Variants in TMPRSS9 observed in about 807,000 individuals in gnomAD.
TMPRSS9 encodes transmembrane serine protease 9.
TMPRSS9 carries 113 observed loss-of-function variants against 111.4 expected under a neutral mutation model. The observed-to-expected ratio is 1.01, with a 90% confidence interval of 0.87 to 1.19. The LOEUF is 1.19. Ranked by LOEUF, TMPRSS9 falls within the 50% of genes most tolerant of loss-of-function variation. The pLI is 0.00. For synonymous variants in TMPRSS9, 805 were observed against 659.1 expected, an observed-to-expected ratio of 1.22 and a Z score of -3.39; for missense variants, 1,803 against 1,513.1, an observed-to-expected ratio of 1.19 and a Z score of -3.18.
chr19:2,405,632 C>T lies in TMPRSS9; in HGVS notation c.842+87C>T, dbSNP rs181591215. ...GCACTGGGGACGTCACTTCTGGTTTCCTTAGAGCCCCTGGAAGTAATTTTT... is the reference window on the plus strand; with the variant it reads ...GCACTGGGGACGTCACTTCTGGTTTTCTTAGAGCCCCTGGAAGTAATTTTT... On this transcript the variant is annotated intron_variant, in intron 7 of 17. Transcript: ENST00000648592. 122 of 1,340,610 alleles carry T rather than the reference C, an allele frequency of 9.1e-5. 1 individual carries two copies. In the East Asian group the frequency reaches 2.6e-3, roughly 29 times the overall value. The allele number at this position is 1,340,610 out of a possible 1,614,324, so 83.0% of individuals were successfully genotyped here. A position where few individuals can be genotyped will look rare whatever the true frequency, so the allele number is the denominator to read the frequency against.
chr19:2,393,526 C>T (rs1031097904), intron 1 of TMPRSS9, among the ~76,000 whole-genome samples: 3 of 152,166 alleles, frequency 2.0e-5, no homozygotes, highest in Non-Finnish European at 4.4e-5. Flanking sequence ...CAGCTTCATT[C>T]TTGAAGTCAG....
intron 1 of TMPRSS9, among the ~76,000 whole-genome samples, chr19:2,382,619 C>T (rs1038393037): frequency 1.3e-5 from 2 of 151,226 alleles, no homozygotes; most frequent in African/African-American, 2.4e-5. Context: ...CATGCACACA[C>T]AAATGCACAC....
exon 1 of TMPRSS9, chr19:2,389,801 G>A: frequency 6.2e-7 from 1 of 1,613,366 alleles, no homozygotes; most frequent in Non-Finnish European, 8.5e-7. Context: ...GCCCACTGTG[G>A]CTGACGTACA....
chr19:2,401,926 G>A (rs757925161), intron 4 of TMPRSS9, 49 bp from the exon 6 acceptor site: 9 of 1,584,120 alleles, frequency 5.7e-6, no homozygotes, highest in African/African-American at 1.4e-5. Flanking sequence ...GTGTTCAAAG[G>A]GTTTTACCGC....
At chr19:2,408,674 C>T (rs751632107) in intron 8 of TMPRSS9, 44 bp downstream of exon 9, 21 of 1,581,660 alleles carry the variant, frequency 1.3e-5, no homozygotes, top group South Asian at 2.3e-5. Flanking sequence ...GGCAGGCAGG[C>T]GGGCAAATAA....
intron 5 of TMPRSS9, 88 bp from the exon 7 acceptor site, chr19:2,402,994 C>T (rs1970884134): frequency 6.6e-6 from 6 of 903,900 alleles, no homozygotes; most frequent in Admixed American, 4.2e-5. Flanking sequence ...CATTTCCGTA[C>T]CCTGGTGGTA....
chr19:2,409,034 ATG>A (rs200857497), intron 8 of TMPRSS9, among the ~76,000 whole-genome samples: 3,445 of 102,594 alleles, frequency 0.034, 106 homozygotes, highest in African/African-American at 0.1. Flanking sequence ...AATAATAATG[ATG>A]ATGCAGAAAA....
intron 13 of TMPRSS9, among the ~76,000 whole-genome samples, chr19:2,418,350 C>T (rs1971325774): frequency 1.8e-5 from 1 of 57,092 alleles, no homozygotes; most frequent in African/African-American, 1.2e-4. Flanking sequence ...CCTCCCTTTC[C>T]CTCCCTCCCT....
chr19:2,363,677 G>A (rs149957837), intron 1 of TMPRSS9, among the ~76,000 whole-genome samples: 3 of 151,756 alleles, frequency 2.0e-5, no homozygotes, highest in Non-Finnish European at 2.9e-5. Context: ...TGCGCCCCTC[G>A]GTCCCCCAGG....
chr19:2,403,499 C>T (rs748438015), intron 6 of TMPRSS9, among the ~76,000 whole-genome samples: 1 of 152,120 alleles, frequency 6.6e-6, no homozygotes, highest in Non-Finnish European at 1.5e-5. Context: ...AACTGGAGCT[C>T]TGTCCTATAA....
upstream of TMPRSS9, among the ~76,000 whole-genome samples, chr19:2,385,276 T>A (rs1970456596): frequency 6.6e-6 from 1 of 151,650 alleles, no homozygotes; most frequent in Admixed American, 6.6e-5. Context: ...GTGCTCCCGG[T>A]GGAGTCTGCC....
chr19:2,415,876 T>C, intron 11 of TMPRSS9, 35 bp downstream of exon 12: 1 of 1,540,912 alleles, frequency 6.5e-7, no homozygotes, highest in African/African-American at 1.4e-5. Context: ...GCTGCCCGGC[T>C]TCCCCTCCTC....
intron 1 of TMPRSS9, among the ~76,000 whole-genome samples, chr19:2,376,071 A>G (rs1486623913): frequency 1.3e-5 from 2 of 152,124 alleles, no homozygotes; most frequent in Non-Finnish European, 2.9e-5. Flanking sequence ...CTGGAACAAG[A>G]TGGGCCTCCC....
intron 1 of TMPRSS9, among the ~76,000 whole-genome samples, chr19:2,370,521 G>A (rs1229315095): frequency 3.3e-5 from 5 of 152,040 alleles, no homozygotes; most frequent in Admixed American, 1.3e-4. Flanking sequence ...TGGAGATGGG[G>A]GTCTCGCTAT....
chr19:2,381,507 T>C (rs1970384622), intron 1 of TMPRSS9, among the ~76,000 whole-genome samples: 1 of 151,922 alleles, frequency 6.6e-6, no homozygotes, highest in Non-Finnish European at 1.5e-5. Flanking sequence ...CTGAAGGCAG[T>C]TCAACTCAAG....
At chr19:2,364,370 A>G (rs1291183671) in intron 1 of TMPRSS9, among the ~76,000 whole-genome samples, 1 of 152,092 alleles carries the variant, frequency 6.6e-6, no homozygotes, top group Non-Finnish European at 1.5e-5. Context: ...TGCAGAGGAT[A>G]ACATATTCTG....
chr19:2,373,270 G>T (rs1196136940), intron 1 of TMPRSS9, among the ~76,000 whole-genome samples: 1 of 151,794 alleles, frequency 6.6e-6, no homozygotes, highest in Non-Finnish European at 1.5e-5. Context: ...TCACTCTGTC[G>T]CCCAGGCCGG....
At chr19:2,404,500 G>A (rs1037926213) in intron 6 of TMPRSS9, among the ~76,000 whole-genome samples, 7 of 149,858 alleles carry the variant, frequency 4.7e-5, no homozygotes, top group African/African-American at 9.9e-5. Context: ...CCAAGATCAC[G>A]CCACTGTACT....
chr19:2,419,337 G>A (rs967983878), intron 13 of TMPRSS9, among the ~76,000 whole-genome samples: 26 of 149,378 alleles, frequency 1.7e-4, no homozygotes, highest in African/African-American at 5.7e-4. Flanking sequence ...CCGAGTAGCT[G>A]GGATTATAGG....
Sources: allele counts gnomAD v4.1 joint callset (sites outside exome capture counted in the v4.1 genomes callset), GRCh38; gene constraint gnomAD v4.1.1; transcripts MANE v1.5; gene names NCBI Gene and HGNC (gene_info 2026-07-23, HGNC 2026-07-21).